Variants in SMC4 observed in about 807,000 individuals in gnomAD.
The protein encoded by SMC4 is structural maintenance of chromosomes protein 4.
SMC4 carries 87 observed loss-of-function variants against 145.6 expected under a neutral mutation model. The ratio of observed to expected loss-of-function variants is 0.60; its 90% CI spans 0.50 to 0.71. The LOEUF (loss-of-function observed/expected upper bound fraction) is 0.71, where lower values mean the gene tolerates loss of function less well. Among genes scored for constraint, SMC4 ranks in the 30% least tolerant of loss-of-function variants. The probability of loss-of-function intolerance (pLI) is 0.00; values close to 1 mark genes in which losing one functional copy is unlikely to be tolerated. For missense variants in SMC4, 1,447 were observed against 1,537.1 expected, an observed-to-expected ratio of 0.94 and a Z score of 0.98; for synonymous variants, 558 against 500.7, an observed-to-expected ratio of 1.11 and a Z score of -1.53.
Position 160,417,833 on chromosome 3 carries a change from AGT to A in SMC4, c.1551_1552del (p.Gln519IlefsTer3). On this transcript the variant is annotated frameshift_variant, in exon 11 of 24. Coordinates refer to ENST00000357388, the MANE Select transcript of SMC4 (RefSeq NM_001002800.3). LOFTEE classifies it high-confidence loss of function. Reference sequence around the variant, plus strand: ...TCTATCTCAGTCGTCATAATACTGCAGTGTCTCAATTAACTAAGGCTAAGGAA... The same window carrying A: ...TCTATCTCAGTCGTCATAATACTGCAGTCTCAATTAACTAAGGCTAAGGAA... ...DIYLSRHNTA[V>X]SQLTKAKEAL... The A allele has an allele frequency of 6.2e-7, 1 of 1,613,760 alleles. No individual in the cohort carries two copies. Among genetic ancestry groups the A allele is most frequent in the South Asian group, 1.1e-5 (1 of 91,070 alleles).
At chr3:160,423,159 A>G (rs73154594) in intron 13 of SMC4, among the ~76,000 whole-genome samples, 2,793 of 152,244 alleles carry the variant, frequency 0.018, 35 homozygotes, top group Non-Finnish European at 0.03. Flanking sequence ...TACTGCCACA[A>G]AAAAAGGCGA....
Position 160,423,349 on chromosome 3 carries a change from GTTTTTTTTTGTT to G in SMC4, c.2020-65_2020-54del, listed in dbSNP as rs749272784. The G allele has an allele frequency of 6.0e-3, 4,886 of 812,562 alleles. 137 individuals are homozygous for G. The highest frequency in any genetic ancestry group is 7.5e-3 in the Non-Finnish European group (4,055 of 542,360). The allele number at this position is 812,562 out of a possible 1,614,324, so 50.3% of individuals were successfully genotyped here. ...TCTTTTGTTGAATTTATTCCTATGG[GTTTTTTTTTGTT>G]TTTTTTTTTGAGTTTTCTTTTTTGT... On this transcript the variant is annotated intron_variant, in intron 13 of 23. Transcript: ENST00000357388.
intron 12 of SMC4, 31 bp from the exon 13 acceptor site, chr3:160,420,709 A>T (rs1560004793): frequency 6.2e-7 from 1 of 1,602,278 alleles, no homozygotes; most frequent in Admixed American, 1.8e-5. Flanking sequence ...TTTCTGCCTA[A>T]CTCTTTTTTC....
At position 160,414,348 on chromosome 3, in the gene SMC4, A is replaced by G. The variant is rs41272951; in HGVS notation, c.1122-19A>G. On this transcript the variant is annotated intron_variant, in intron 8 of 23. Coordinates refer to ENST00000357388, the MANE Select transcript of SMC4 (RefSeq NM_001002800.3). ...GTGCACATTCAAAATAATGACTTAC[A>G]ATATACTTGCTTTGCTAGGAAACTG... 82,386 of 1,569,998 alleles carry G rather than the reference A, an allele frequency of 0.052. 2,477 individuals carry two copies. Among genetic ancestry groups the G allele is most frequent in the Non-Finnish European group, 0.06 (68,397 of 1,141,750 alleles).
At position 160,423,484 on chromosome 3, in the gene SMC4, A is replaced by G. The variant is rs777424188; in HGVS notation, c.2079A>G (p.Leu693=). 2 of 1,611,900 alleles carry G rather than the reference A, an allele frequency of 1.2e-6. No homozygotes were observed. The highest frequency in any genetic ancestry group is 1.1e-5 in the South Asian group (1 of 90,988). Residue 693 remains leucine, a synonymous_variant, in exon 14 of 24, where the codon TTA becomes TTG. Coordinates refer to ENST00000357388, the MANE Select transcript of SMC4 (RefSeq NM_001002800.3). Reference sequence around the variant, plus strand: ...AAACTCCTGAAAATACTCCTCGTTTATTTGATTTAGTAAAAGTAAAAGATG... The same window carrying G: ...AAACTCCTGAAAATACTCCTCGTTTGTTTGATTTAGTAAAAGTAAAAGATG... The part of the protein sequence containing the change: ...EIQTPENTPR[L]FDLVKVKDEK...
chr3:160,411,357 A>G (rs1715973778), intron 5 of SMC4, among the ~76,000 whole-genome samples: 1 of 152,128 alleles, frequency 6.6e-6, no homozygotes, highest in Non-Finnish European at 1.5e-5. Context: ...CTGAACATGT[A>G]AGTTTTTGAC....
intron 22 of SMC4, 49 bp from the exon 23 acceptor site, chr3:160,432,977 A>C: frequency 2.2e-6 from 3 of 1,337,660 alleles, no homozygotes; most frequent in Non-Finnish European, 3.2e-6. Context: ...ACAAAGTCTT[A>C]ACTTTAGCTT....
At position 160,419,558 on chromosome 3, in the gene SMC4, T is replaced by C. The variant is rs747193340; in HGVS notation, c.1857+15T>C. ...ATGGAAGATTGGTAAAGTAGATTTT[T>C]GGGGGGCATGGCTTTACTTTTTTTT... On this transcript the variant is annotated intron_variant, in intron 12 of 23. Transcript: ENST00000357388. The C allele has an allele frequency of 1.1e-5, 17 of 1,571,576 alleles. No individual in the cohort carries two copies. The South Asian group carries it at 1.7e-4, about 16-fold the overall frequency.
At chr3:160,421,569 T>A (rs1052123972) in intron 13 of SMC4, among the ~76,000 whole-genome samples, 69 of 151,896 alleles carry the variant, frequency 4.5e-4, no homozygotes, top group African/African-American at 1.5e-3. Flanking sequence ...CATGGCGAAA[T>A]CCCATCTCTA....
intron 11 of SMC4, among the ~76,000 whole-genome samples, chr3:160,418,779 C>T (rs919531204): frequency 2.0e-5 from 3 of 151,954 alleles, no homozygotes; most frequent in African/African-American, 7.3e-5. Flanking sequence ...GAAAAGATGG[C>T]TGCTGAGAAG....
At chr3:160,431,558 G>A in intron 20 of SMC4, 85 bp from the exon 21 acceptor site, 1 of 1,041,750 alleles carries the variant, frequency 9.6e-7, no homozygotes, top group Non-Finnish European at 1.4e-6. Context: ...TTTCATAGCT[G>A]TGTAATTTGT....
At chr3:160,423,375 T>TTTGTTTTTTG in intron 13 of SMC4, 50 bp from the exon 14 acceptor site, 1 of 1,130,766 alleles carries the variant, frequency 8.8e-7, no homozygotes, top group Non-Finnish European at 1.2e-6. Context: ...TTTTTTGAGT[T>TTTGTTTTTTG]TTCTTTTTTG....
chr3:160,411,384 T>C (rs1231287246), intron 5 of SMC4, among the ~76,000 whole-genome samples: 15 of 152,190 alleles, frequency 9.9e-5, no homozygotes, highest in Non-Finnish European at 1.5e-5. Flanking sequence ...TGAAACCCAT[T>C]ACTTGTTAAG....
In SMC4 at chr3:160,414,428, T is replaced by G; in HGVS notation, c.1183T>G (p.Leu395Val). Residue 395 changes from leucine to valine, a missense_variant, in exon 9 of 24, where the codon TTG (leucine) becomes GTG (valine). Transcript: ENST00000357388. ...ENKEKFTQLD[L>V]EDVQVREKLK... is the part of the protein sequence containing the mutation. The stretch of plus-strand genomic sequence containing the variant: ...TAAAGAAAAATTTACACAGCTAGAT[T>G]TGGAAGATGTTCAAGTTAGAGAAAA... 6.2e-7 allele frequency: 1 copy of G among 1,610,272 alleles called. No individual in the cohort carries two copies. The highest frequency in any genetic ancestry group is 1.1e-5 in the South Asian group (1 of 90,098).
intron 5 of SMC4, among the ~76,000 whole-genome samples, chr3:160,411,585 T>G (rs1440923181): frequency 6.6e-6 from 1 of 152,284 alleles, no homozygotes; most frequent in East Asian, 1.9e-4. Flanking sequence ...CTTTCCTAAA[T>G]TTTACTTAAA....
intron 5 of SMC4, among the ~76,000 whole-genome samples, chr3:160,405,111 A>C (rs1372108398): frequency 6.6e-6 from 1 of 152,060 alleles, no homozygotes; most frequent in Non-Finnish European, 1.5e-5. Context: ...TACTACTGAA[A>C]GAACGAAACT....
chr3:160,416,224 C>A (rs758290060), intron 9 of SMC4, 27 bp from the exon 10 acceptor site: 3 of 1,499,176 alleles, frequency 2.0e-6, no homozygotes, highest in Admixed American at 2.1e-5. Flanking sequence ...AAGATGTATG[C>A]TCCTATAACT....
chr3:160,411,958 C>T lies in SMC4; in HGVS notation c.726C>T (p.Gly242=). The part of the protein sequence containing the change: ...VEQIAMMKPK[G]QTEHDEGMLE... The stretch of plus-strand genomic sequence containing the variant: ...AAATTGCTATGATGAAACCAAAAGG[C>T]CAGACTGAACACGATGAGGGTATGC... Residue 242 remains glycine (G), a synonymous_variant, in exon 6 of 24, where the codon GGC becomes GGT. Coordinates refer to ENST00000357388, the MANE Select transcript of SMC4 (RefSeq NM_001002800.3). 1 of 1,613,116 alleles carries T rather than the reference C, an allele frequency of 6.2e-7. No homozygotes were observed. The highest frequency in any genetic ancestry group is 1.1e-5 in the South Asian group (1 of 91,002).
Position 160,434,533 on chromosome 3 carries a change from T to C in SMC4, c.*724T>C, listed in dbSNP as rs1369052722. On this transcript the variant is annotated 3_prime_UTR_variant, in exon 24 of 24. Coordinates refer to ENST00000357388, the MANE Select transcript of SMC4 (RefSeq NM_001002800.3). ...ATCCGGGTACTAAATGCATTTCAACTTGATAGTTTCAACTTATGATAGGTT... is the reference window on the plus strand; with the variant it reads ...ATCCGGGTACTAAATGCATTTCAACCTGATAGTTTCAACTTATGATAGGTT... The C allele has an allele frequency of 6.6e-6, 1 of 152,234 alleles. No homozygotes were observed. The highest frequency in any genetic ancestry group is 1.5e-5 in the Non-Finnish European group (1 of 68,046). 9.4% of individuals were successfully genotyped at this position (152,234 alleles called of 1,614,324 possible). A position where few individuals can be genotyped will look rare whatever the true frequency, so the allele number is the denominator to read the frequency against.
Sources: allele counts gnomAD v4.1 joint callset (sites outside exome capture counted in the v4.1 genomes callset), GRCh38; gene constraint gnomAD v4.1.1; transcripts MANE v1.5; gene names NCBI Gene and HGNC (gene_info 2026-07-23, HGNC 2026-07-21).